CDH1: variants seen among roughly 807,000 people sequenced by gnomAD.
CDH1 encodes cadherin-1.
CDH1 carries 35 observed loss-of-function variants against 84.5 expected under a neutral mutation model. The observed-to-expected ratio is 0.41, with a 90% CI of 0.32 to 0.55. The LOEUF (loss-of-function observed/expected upper bound fraction) is 0.55, where lower values mean the gene tolerates loss of function less well. CDH1 is among the 20% of genes least tolerant of loss of function. The pLI, the probability that CDH1 is intolerant of heterozygous loss-of-function variation, is 0.19. For missense variants in CDH1, 994 were observed against 1,126.6 expected (o/e 0.88, Z 1.68); for synonymous variants, 417 against 439.0 (o/e 0.95, Z 0.63).
chr16:68,800,704 A>G (rs1278762540), intron 2 of CDH1, among the ~76,000 whole-genome samples: 1 of 152,210 alleles, frequency 6.6e-6, no homozygotes, highest in Non-Finnish European at 1.5e-5. Context: ...TCTTTGAGCC[A>G]GGCTTCTGCA....
At chr16:68,753,962 A>C (rs1962953097) in intron 2 of CDH1, among the ~76,000 whole-genome samples, 1 of 151,358 alleles carries the variant, frequency 6.6e-6, no homozygotes, top group Admixed American at 6.6e-5. Flanking sequence ...TAAAAATACA[A>C]AAAAAAATTG....
In CDH1 at chr16:68,737,303, A is replaced by C. The variant is rs1015488305; in HGVS notation, c.-113A>C. The stretch of plus-strand genomic sequence containing the variant: ...ACGCACCCCCTCTCAGTGGCGTCGG[A>C]ACTGCAAAGCACCTGTGAGCTTGCG... On this transcript the variant is annotated 5_prime_UTR_variant, in exon 1 of 16. Coordinates refer to ENST00000261769, the MANE Select transcript of CDH1 (RefSeq NM_004360.5). 75 of 841,522 alleles carry C rather than the reference A, an allele frequency of 8.9e-5. No individual in the cohort carries two copies. In the African/African-American group the frequency reaches 1.2e-3, roughly 13 times the overall value. The allele number at this position is 841,522 out of a possible 1,614,324, so 52.1% of individuals were successfully genotyped here.
At chr16:68,748,709 CA>C (rs1433770128) in intron 2 of CDH1, among the ~76,000 whole-genome samples, 1 of 152,232 alleles carries the variant, frequency 6.6e-6, no homozygotes. Flanking sequence ...TTGCCTTCCA[CA>C]AAGACTGTGA....
intron 14 of CDH1, 125 bp downstream of exon 14, chr16:68,828,429 C>T: frequency 1.1e-6 from 1 of 909,358 alleles, no homozygotes; most frequent in Non-Finnish European, 1.8e-6. Context: ...TAAGGCCTTA[C>T]CCAAGAAAGT....
At position 68,828,078 on chromosome 16, in the gene CDH1, C is replaced by A. The variant is rs907546070; in HGVS notation, c.2165-96C>A. 17 of 1,413,372 alleles carry A rather than the reference C, an allele frequency of 1.2e-5. 1 individual carries two copies. Among genetic ancestry groups the A allele is most frequent in the Admixed American group, 1.7e-5 (1 of 59,652 alleles). 87.6% of individuals were successfully genotyped at this position (1,413,372 alleles called of 1,614,324 possible). ...GCAGCTAGTGGCTGTCTAACTGCCC[C>A]CTGTCTGGTATGAGGGGTGCTCTGT... On this transcript the variant is annotated intron_variant, in intron 13 of 15. Transcript: ENST00000261769.
At chr16:68,831,144 T>A (rs1278956934) in intron 15 of CDH1, among the ~76,000 whole-genome samples, 1 of 138,272 alleles carries the variant, frequency 7.2e-6, no homozygotes, top group African/African-American at 2.7e-5. Flanking sequence ...AGTGGTGCAA[T>A]CTCAGCTCAC....
In CDH1 at chr16:68,737,345, C is replaced by G. The variant is rs34033771; in HGVS notation, c.-71C>G. 0.012 allele frequency: 15,436 copies of G among 1,328,408 alleles called. 107 individuals are homozygous for G. Among genetic ancestry groups the G allele is most frequent in the Non-Finnish European group, 0.013 (12,988 of 970,664 alleles). 82.3% of individuals were successfully genotyped at this position (1,328,408 alleles called of 1,614,324 possible). On this transcript the variant is annotated 5_prime_UTR_variant, in exon 1 of 16. Coordinates refer to ENST00000261769, the MANE Select transcript of CDH1 (RefSeq NM_004360.5). ...GAGCTTGCGGAAGTCAGTTCAGACT[C>G]CAGCCCGCTCCAGCCCGGCCCGACC...
intron 2 of CDH1, among the ~76,000 whole-genome samples, chr16:68,794,504 A>T (rs1276293939): frequency 1.3e-5 from 2 of 152,004 alleles, no homozygotes; most frequent in African/African-American, 2.4e-5. Context: ...ATTTTTAAAA[A>T]TTTGTTATTT....
intron 2 of CDH1, among the ~76,000 whole-genome samples, chr16:68,786,173 C>CT (rs375979692): frequency 3.0e-4 from 46 of 150,978 alleles, no homozygotes; most frequent in Middle Eastern, 3.4e-3. Context: ...ACTTGGAATT[C>CT]TTTTTTTTTC....
At chr16:68,784,906 C>T (rs1379162880) in intron 2 of CDH1, among the ~76,000 whole-genome samples, 1 of 152,054 alleles carries the variant, frequency 6.6e-6, no homozygotes, top group Non-Finnish European at 1.5e-5. Context: ...CCCCTCCTAC[C>T]CTCCTGTTCG....
At chr16:68,749,476 C>T (rs953062065) in intron 2 of CDH1, among the ~76,000 whole-genome samples, 10 of 152,184 alleles carry the variant, frequency 6.6e-5, no homozygotes, top group Non-Finnish European at 1.0e-4. Context: ...AGACCTCACA[C>T]GCTGGAGGAT....
At position 68,811,686 on chromosome 16, in the gene CDH1, A is replaced by G. The variant is rs1444822940; in HGVS notation, c.835A>G (p.Thr279Ala). The change falls in exon 7 of 16, where the codon ACC becomes GCC. Residue 279 changes from threonine to alanine, a missense_variant and splice_region_variant. Thr to Ala is a moderately conservative substitution (Grantham distance 58, BLOSUM62 0). Around this residue, in one of 3 missense-constraint regions of CDH1, gnomAD observed 769 missense variants for 881.8 expected, o/e 0.87. Transcript: ENST00000261769. ...TTCATCTCCTTGAACTCTTCCAGGA[A>G]CCTCTGTGATGGAGGTCACAGCCAC... The part of the protein sequence containing the change: ...GSVMEGALPG[T>A]SVMEVTATDA... 8 of 1,613,902 alleles carry G rather than the reference A, an allele frequency of 5.0e-6. No individual in the cohort carries two copies. Among genetic ancestry groups the G allele is most frequent in the Non-Finnish European group, 6.8e-6 (8 of 1,179,952 alleles).
chr16:68,769,997 T>A (rs950791698), intron 2 of CDH1, among the ~76,000 whole-genome samples: 6 of 150,392 alleles, frequency 4.0e-5, no homozygotes, highest in South Asian at 2.1e-4. Flanking sequence ...TTTTTTTTTT[T>A]AAAGAAAATG....
intron 2 of CDH1, among the ~76,000 whole-genome samples, chr16:68,753,114 G>A (rs1041324372): frequency 6.6e-5 from 10 of 150,696 alleles, no homozygotes; most frequent in South Asian, 4.2e-4. Flanking sequence ...TCGGGAGGCC[G>A]AGGCACAAAA....
chr16:68,743,923 T>C (rs1962657041), intron 2 of CDH1, among the ~76,000 whole-genome samples: 1 of 152,226 alleles, frequency 6.6e-6, no homozygotes, highest in Non-Finnish European at 1.5e-5. Context: ...TGTACATTCA[T>C]TTAGTTCACA....
At chr16:68,824,412 G>A (rs1961264796) in intron 13 of CDH1, among the ~76,000 whole-genome samples, 1 of 152,166 alleles carries the variant, frequency 6.6e-6, no homozygotes, top group Non-Finnish European at 1.5e-5. Context: ...AAGCTAGCCA[G>A]CTCACCACCA....
chr16:68,761,967 GCCT>G (rs1248759269), intron 2 of CDH1, among the ~76,000 whole-genome samples: 8 of 152,296 alleles, frequency 5.3e-5, no homozygotes, highest in Admixed American at 3.9e-4. Context: ...TCCACCGGCT[GCCT>G]CCTCCTGCCA....
chr16:68,758,722 T>C (rs1963084693), intron 2 of CDH1, among the ~76,000 whole-genome samples: 1 of 151,644 alleles, frequency 6.6e-6, no homozygotes, highest in South Asian at 2.1e-4. Context: ...GGATTGAGTA[T>C]GAGGAAGAGT....
intron 15 of CDH1, among the ~76,000 whole-genome samples, chr16:68,832,951 C>T (rs180769166): frequency 3.3e-5 from 5 of 150,958 alleles, no homozygotes; most frequent in Non-Finnish European, 6.0e-5. Context: ...AGCCTGCATG[C>T]ACCAGTATGC....
Sources: allele counts gnomAD v4.1 joint callset (sites outside exome capture counted in the v4.1 genomes callset), GRCh38; gene constraint gnomAD v4.1.1; regional missense constraint gnomAD v4.1.1; transcripts MANE v1.5; gene names NCBI Gene and HGNC (gene_info 2026-07-23, HGNC 2026-07-21).